The following PTPRD variants were observed in gnomAD, a reference collection of about 807,000 sequenced individuals.
PTPRD encodes receptor-type tyrosine-protein phosphatase delta.
PTPRD carries 34 observed loss-of-function variants against 214.5 expected under a neutral mutation model. The ratio of observed to expected loss-of-function variants is 0.16; its 90% CI spans 0.12 to 0.21. The LOEUF is 0.21. Ranked by LOEUF, PTPRD falls within the 10% of genes least tolerant of loss-of-function variation. PTPRD has a pLI of 1.00. For synonymous variants in PTPRD, 1,128 were observed against 845.7 expected (o/e 1.33, Z -5.79); for missense variants, 2,545 against 2,398.7 (o/e 1.06, Z -1.27).
intron 4 of PTPRD, among the ~76,000 whole-genome samples, chr9:10,027,686 A>C (rs1460779501): frequency 4.6e-5 from 7 of 152,142 alleles, no homozygotes; most frequent in Non-Finnish European, 8.8e-5. Flanking sequence ...TATGGCAAAA[A>C]ATACATTTTT....
intron 2 of PTPRD, among the ~76,000 whole-genome samples, chr9:10,538,801 T>C (rs1045322430): frequency 6.6e-6 from 1 of 152,186 alleles, no homozygotes; most frequent in Non-Finnish European, 1.5e-5. Context: ...ATGTTTTGAG[T>C]ATACAGATCT....
At chr9:9,735,715 T>C (rs2098280606) in intron 6 of PTPRD, among the ~76,000 whole-genome samples, 1 of 152,108 alleles carries the variant, frequency 6.6e-6, no homozygotes, top group Non-Finnish European at 1.5e-5. Flanking sequence ...TTAGAGACCT[T>C]ACTGAATTCT....
intron 5 of PTPRD, among the ~76,000 whole-genome samples, chr9:9,775,392 C>T (rs559149224): frequency 6.6e-6 from 1 of 152,284 alleles, no homozygotes; most frequent in Non-Finnish European, 1.5e-5. Flanking sequence ...GTCAGAATCT[C>T]TCCATCTTTG....
intron 10 of PTPRD, among the ~76,000 whole-genome samples, chr9:9,022,468 A>G (rs780773592): frequency 2.6e-5 from 4 of 152,060 alleles, no homozygotes; most frequent in Non-Finnish European, 4.4e-5. Context: ...ACACTGGCCA[A>G]TGTGTTAGAG....
chr9:10,425,513 T>C (rs1371840477), intron 2 of PTPRD, among the ~76,000 whole-genome samples: 16 of 151,988 alleles, frequency 1.1e-4, no homozygotes, highest in African/African-American at 3.9e-4. Context: ...GGTATGTCCT[T>C]ATAGCATAGG....
intron 36 of PTPRD, among the ~76,000 whole-genome samples, 183 bp downstream of exon 36, chr9:8,404,354 C>A (rs2092754740): frequency 6.6e-6 from 1 of 152,164 alleles, no homozygotes; most frequent in Non-Finnish European, 1.5e-5. Flanking sequence ...GTCTCGAACT[C>A]CTGACCTCAG....
chr9:9,357,750 T>C (rs2054386509), intron 9 of PTPRD, among the ~76,000 whole-genome samples: 2 of 151,218 alleles, frequency 1.3e-5, no homozygotes, highest in Middle Eastern at 3.4e-3. Context: ...AGGGCAATAG[T>C]GCAGACTATT....
chr9:9,316,573 C>A (rs554315900), intron 9 of PTPRD, among the ~76,000 whole-genome samples: 1 of 152,082 alleles, frequency 6.6e-6, no homozygotes, highest in Non-Finnish European at 1.5e-5. Flanking sequence ...TTTACCCTAT[C>A]ATGAATCTTC....
intron 9 of PTPRD, among the ~76,000 whole-genome samples, chr9:9,396,194 C>T (rs1372980863): frequency 6.6e-6 from 1 of 151,958 alleles, no homozygotes; most frequent in Admixed American, 6.6e-5. Context: ...CACTAAAAGT[C>T]AAAACCAAAT....
At position 8,316,837 on chromosome 9, in the gene PTPRD, G is replaced by A. The variant is rs1563838294; in HGVS notation, c.*1037C>T. 1 of 230,782 alleles carries A rather than the reference G, an allele frequency of 4.3e-6. No individual in the cohort carries two copies. The highest frequency in any genetic ancestry group is 8.6e-6 in the Non-Finnish European group (1 of 116,492). The allele number at this position is 230,782 out of a possible 1,614,324, so 14.3% of individuals were successfully genotyped here. A position where few individuals can be genotyped will look rare whatever the true frequency, so the allele number is the denominator to read the frequency against. ...TATGTCAAAAAATTAAGAATAAATG[G>A]AAAGAGATGTTTACAATAGCTTTTC... On this transcript the variant is annotated 3_prime_UTR_variant, in exon 46 of 46. Coordinates refer to ENST00000381196, the MANE Select transcript of PTPRD (RefSeq NM_002839.4).
intron 4 of PTPRD, among the ~76,000 whole-genome samples, chr9:10,022,398 A>T (rs2096840774): frequency 6.8e-6 from 1 of 147,310 alleles, no homozygotes; most frequent in Admixed American, 6.9e-5. Context: ...TTATTGGCAC[A>T]CACAGTGAGC....
At chr9:9,673,099 G>A (rs2096861589) in intron 7 of PTPRD, among the ~76,000 whole-genome samples, 1 of 151,894 alleles carries the variant, frequency 6.6e-6, no homozygotes, top group South Asian at 2.1e-4. Context: ...TGACAAACAG[G>A]TACAAATTTT....
chr9:9,151,098 G>T (rs1457538102), intron 10 of PTPRD, among the ~76,000 whole-genome samples: 1 of 152,282 alleles, frequency 6.6e-6, no homozygotes, highest in East Asian at 1.9e-4. Context: ...TATATTTAGG[G>T]GTAGGAATGG....
chr9:9,076,126 C>T (rs1007506740), intron 10 of PTPRD, among the ~76,000 whole-genome samples: 1 of 152,140 alleles, frequency 6.6e-6, no homozygotes. Flanking sequence ...GATGGTATCT[C>T]ACTGTGGTCT....
intron 3 of PTPRD, among the ~76,000 whole-genome samples, chr9:10,100,341 A>C (rs2098539633): frequency 6.6e-6 from 1 of 151,842 alleles, no homozygotes; most frequent in Non-Finnish European, 1.5e-5. Flanking sequence ...TTAAATATCC[A>C]TCCCAAGTTC....
chr9:8,891,704 G>A (rs1274450538), intron 11 of PTPRD, among the ~76,000 whole-genome samples: 2 of 152,076 alleles, frequency 1.3e-5, no homozygotes, highest in Non-Finnish European at 1.5e-5. Flanking sequence ...GCAAAATTGG[G>A]CCAAGTAGTA....
chr9:9,825,780 A>G (rs2052600466), intron 5 of PTPRD, among the ~76,000 whole-genome samples: 1 of 151,752 alleles, frequency 6.6e-6, no homozygotes, highest in Non-Finnish European at 1.5e-5. Context: ...ATGTATCTCC[A>G]TTATGTTACC....
chr9:8,881,278 A>C (rs1473139503), intron 11 of PTPRD, among the ~76,000 whole-genome samples: 1 of 152,214 alleles, frequency 6.6e-6, no homozygotes, highest in Non-Finnish European at 1.5e-5. Flanking sequence ...TATCAGTCAA[A>C]TCTTTATAAA....
chr9:8,617,031 C>A (rs538473369), intron 14 of PTPRD, among the ~76,000 whole-genome samples: 3 of 152,190 alleles, frequency 2.0e-5, no homozygotes, highest in South Asian at 2.1e-4. Context: ...CCGTACTCTA[C>A]TTTCTATAAC....
Sources: allele counts gnomAD v4.1 joint callset (sites outside exome capture counted in the v4.1 genomes callset), GRCh38; gene constraint gnomAD v4.1.1; transcripts MANE v1.5; gene names NCBI Gene and HGNC (gene_info 2026-07-23, HGNC 2026-07-21).